Variants in TEKT4 observed in about 807,000 individuals in gnomAD.
TEKT4 encodes tektin-4.
A neutral mutation model predicts 46.0 loss-of-function variants in TEKT4; 46 were observed. That is an observed-to-expected ratio of 1.00 (90% CI 0.79 to 1.28). The LOEUF (loss-of-function observed/expected upper bound fraction) is 1.28, where lower values mean the gene tolerates loss of function less well. Ranked by LOEUF, TEKT4 falls within the 50% of genes most tolerant of loss-of-function variation. The pLI is 0.00. For missense variants in TEKT4, 790 were observed against 622.9 expected (o/e 1.27, Z -2.85); for synonymous variants, 325 against 265.8 (o/e 1.22, Z -2.17).
rs782364013 is a variant in TEKT4 at position 94,873,999 on chromosome 2, G to C, written c.604G>C (p.Asp202His). Reference sequence around the variant, plus strand: ...GGAGCACAAGGAGACCTGCGAGATGGACTGGTCAGACAAGATGGAGGCCTA... The same window carrying C: ...GGAGCACAAGGAGACCTGCGAGATGCACTGGTCAGACAAGATGGAGGCCTA... ...NREHKETCEM[D>H]WSDKMEAYNI... Residue 202 changes from aspartate to histidine, a missense_variant, in exon 3 of 6, where the codon GAC becomes CAC. Asp to His is a moderately conservative substitution (Grantham distance 81). Transcript: ENST00000295201. The C allele has an allele frequency of 7.4e-6, 12 of 1,613,778 alleles. No individual in the cohort carries two copies. The African/African-American group carries it at 1.2e-4, about 16-fold the overall frequency.
In TEKT4 at chr2:94,876,558, T is replaced by TGAGTGAGGTGGAGGAGCTGAAC. The variant is rs1194351435; in HGVS notation, c.1098_1119dup (p.Met374GlufsTer2). The TGAGTGAGGTGGAGGAGCTGAAC allele has an allele frequency of 1.9e-6, 3 of 1,606,106 alleles. No homozygotes were observed. The stretch of plus-strand genomic sequence containing the variant: ...CACCCCCCCAACACCCCCAGGCTGT[T>TGAGTGAGGTGGAGGAGCTGAAC]GAGTGAGGTGGAGGAGCTGAACATG... On this transcript the variant is annotated frameshift_variant, in exon 6 of 6. Coordinates refer to ENST00000295201, the MANE Select transcript of TEKT4 (RefSeq NM_144705.4). LOFTEE classifies it high-confidence loss of function.
At position 94,871,507 on chromosome 2, in the gene TEKT4, C is replaced by T. The variant is rs1482187420; in HGVS notation, c.-73C>T. 1.4e-4 allele frequency: 208 copies of T among 1,459,954 alleles called. No individual in the cohort carries two copies. The Middle Eastern group carries it at 2.2e-3, about 15-fold the overall frequency. 90.4% of individuals were successfully genotyped at this position (1,459,954 alleles called of 1,614,324 possible). On this transcript the variant is annotated 5_prime_UTR_variant, in exon 1 of 6. Coordinates refer to ENST00000295201, the MANE Select transcript of TEKT4 (RefSeq NM_144705.4). ...GAGCCGTTGGAGCTGCCCCGCTGAC[C>T]GCACTAGGCTGACCGCAACCGGCTG...
Position 94,873,524 on chromosome 2 carries a change from C to G in TEKT4, c.503C>G (p.Ala168Gly). 1 of 1,612,242 alleles carries G rather than the reference C, an allele frequency of 6.2e-7. No homozygotes were observed. The highest frequency in any genetic ancestry group is 1.1e-5 in the South Asian group (1 of 90,990). ...TCAGGGCGTCTCCTCCCTCAGGAAGCCGAGCTCATCCGGAACATTCAGGAG... is the reference window on the plus strand; with the variant it reads ...TCAGGGCGTCTCCTCCCTCAGGAAGGCGAGCTCATCCGGAACATTCAGGAG... ...DHVETELLKE[A>G]ELIRNIQELL... Residue 168 changes from alanine (A) to glycine (G), a missense_variant, in exon 2 of 6, where the codon GCC becomes GGC. Coordinates refer to ENST00000295201, the MANE Select transcript of TEKT4 (RefSeq NM_144705.4).
chr2:94,872,942 G>C (rs1341143017), intron 1 of TEKT4: 1 of 1,289,434 alleles, frequency 7.8e-7, no homozygotes, highest in Non-Finnish European at 1.0e-6. Context: ...CAAACCCAGG[G>C]ATAGAGGGGC....
chr2:94,876,278 T>C (rs1468066737), intron 5 of TEKT4, among the ~76,000 whole-genome samples: 1 of 152,142 alleles, frequency 6.6e-6, no homozygotes, highest in Non-Finnish European at 1.5e-5. Flanking sequence ...GTATCAGGAA[T>C]GGAAAGAACT....
rs181806220 is a variant in TEKT4, at chr2:94,876,803, A to C, written c.*34A>C. The C allele has an allele frequency of 3.2e-6, 5 of 1,578,938 alleles. No individual in the cohort carries two copies. Among genetic ancestry groups the C allele is most frequent in the East Asian group, 4.5e-5 (2 of 44,376 alleles). ...ACGGTGCTTCCCCCCAGTCCCCCAA[A>C]TAAACAGCGCGTTAGCTTTCTGCAC... On this transcript the variant is annotated 3_prime_UTR_variant, in exon 6 of 6. Transcript: ENST00000295201.
Position 94,876,792 on chromosome 2 carries a change from C to T in TEKT4, c.*23C>T, listed in dbSNP as rs535590997. 7 of 1,596,376 alleles carry T rather than the reference C, an allele frequency of 4.4e-6. No homozygotes were observed. The highest frequency in any genetic ancestry group is 1.7e-4 in the Middle Eastern group (1 of 6,052). On this transcript the variant is annotated 3_prime_UTR_variant, in exon 6 of 6. Transcript: ENST00000295201. ...TGAGCAGCGGCACGGTGCTTCCCCC[C>T]AGTCCCCCAAATAAACAGCGCGTTA...
Position 94,876,598 on chromosome 2 carries a change from G to A in TEKT4, c.1137G>A (p.Leu379=). The change falls in exon 6 of 6, where the codon CTG becomes CTA. Residue 379 remains leucine, a synonymous_variant. Transcript: ENST00000295201. ...AGCTGAACATGTCCCTCACAGCACT[G>A]CGAGAGAAGCTTCTAGAAGCGGAGC... ...VEELNMSLTA[L]REKLLEAEQS... The A allele has an allele frequency of 6.2e-7, 1 of 1,612,184 alleles. No homozygotes were observed. Among genetic ancestry groups the A allele is most frequent in the Non-Finnish European group, 8.5e-7 (1 of 1,179,640 alleles).
Position 94,871,932 on chromosome 2 carries a change from T to C in TEKT4, c.353T>C (p.Leu118Ser). Residue 118 changes from leucine to serine, a missense_variant, in exon 1 of 6, where the codon TTG (leucine) becomes TCG (serine). Transcript: ENST00000295201. ...GAGGCGCTGGCTGCGGAGACCAACT[T>C]GCTCCTGGCCCAGAAGCAACGGCTG... ...EMEALAAETN[L>S]LLAQKQRLER... The C allele has an allele frequency of 1.3e-6, 2 of 1,599,870 alleles. No individual in the cohort carries two copies. Among genetic ancestry groups the C allele is most frequent in the Non-Finnish European group, 1.7e-6 (2 of 1,177,388 alleles).
chr2:94,874,270 C>T (rs1335800710), intron 3 of TEKT4, among the ~76,000 whole-genome samples, 162 bp downstream of exon 3: 2 of 152,170 alleles, frequency 1.3e-5, no homozygotes, highest in South Asian at 2.1e-4. Context: ...CGACCAAGAC[C>T]TCCTCAAATG....
intron 4 of TEKT4, 103 bp from the exon 5 acceptor site, chr2:94,875,485 C>T: frequency 6.4e-7 from 1 of 1,559,486 alleles, no homozygotes; most frequent in South Asian, 1.2e-5. Flanking sequence ...CAGGACTGCC[C>T]TCTGGACACA....
chr2:94,873,820 C>T (rs1359590898), intron 2 of TEKT4, 145 bp from the exon 3 acceptor site: 25 of 1,252,914 alleles, frequency 2.0e-5, no homozygotes, highest in Non-Finnish European at 3.3e-6. Flanking sequence ...AGCTCCTGGT[C>T]ACTGCTGAGC....
intron 1 of TEKT4, chr2:94,873,266 A>C (rs1316503065): frequency 1.5e-6 from 2 of 1,349,306 alleles, no homozygotes; most frequent in African/African-American, 1.5e-5. Flanking sequence ...GGGCGTGGGA[A>C]CTGCCGCTGA....
intron 1 of TEKT4, chr2:94,873,118 G>A (rs78681824): frequency 3.2e-6 from 4 of 1,236,866 alleles, no homozygotes; most frequent in Non-Finnish European, 4.1e-6. Flanking sequence ...GCCTTTCCCA[G>A]CACAGAGCCC....
In TEKT4 at chr2:94,875,061, T is replaced by C; in HGVS notation, c.936+63T>C. 2.7e-6 allele frequency: 4 copies of C among 1,473,248 alleles called. No individual in the cohort carries two copies. The South Asian group carries it at 4.0e-5, about 15-fold the overall frequency. 91.3% of individuals were successfully genotyped at this position (1,473,248 alleles called of 1,614,324 possible). ...TCACCTGGCCTGGGCCCTCAACACC[T>C]TTCTCCTCTGTCCCATTTATCCCGA... On this transcript the variant is annotated intron_variant, in intron 4 of 5. Transcript: ENST00000295201.
At position 94,874,083 on chromosome 2, in the gene TEKT4, C is replaced by G; in HGVS notation, c.688C>G (p.Pro230Ala). The G allele has an allele frequency of 6.2e-7, 1 of 1,613,582 alleles. No homozygotes were observed. Among genetic ancestry groups the G allele is most frequent in the Non-Finnish European group, 8.5e-7 (1 of 1,179,898 alleles). Residue 230 changes from proline to alanine, a missense_variant, in exon 3 of 6, where the codon CCG (proline) becomes GCG (alanine). By Grantham distance (27) the Pro-to-Ala change is conservative. Transcript: ENST00000295201. ...CCAGAGCACCGAGGTGCAGGCTCAT[C>G]CGTACTCCACCACCTTCCAAGAGAG... ...HSQSTEVQAH[P>A]YSTTFQESAS...
intron 3 of TEKT4, among the ~76,000 whole-genome samples, chr2:94,874,421 G>A (rs1260100629): frequency 6.6e-6 from 1 of 152,058 alleles, no homozygotes; most frequent in Non-Finnish European, 1.5e-5. Flanking sequence ...GCAAACTCCT[G>A]GGAGCAAAAA....
At position 94,874,073 on chromosome 2, in the gene TEKT4, G is replaced by A; in HGVS notation, c.678G>A (p.Val226=). 6.2e-7 allele frequency: 1 copy of A among 1,613,626 alleles called. No homozygotes were observed. ...GCCACCACAGCCAGAGCACCGAGGTGCAGGCTCATCCGTACTCCACCACCT... is the reference window on the plus strand; with the variant it reads ...GCCACCACAGCCAGAGCACCGAGGTACAGGCTCATCCGTACTCCACCACCT... ...CGRHHSQSTE[V]QAHPYSTTFQ... is the part of the protein sequence containing the mutation. The change falls in exon 3 of 6, where the codon GTG becomes GTA. Residue 226 remains valine, a synonymous_variant. Coordinates refer to ENST00000295201, the MANE Select transcript of TEKT4 (RefSeq NM_144705.4).
rs202020542 is a variant in TEKT4 at position 94,876,540 on chromosome 2, C to T, written c.1092-13C>T. On this transcript the variant is annotated splice_polypyrimidine_tract_variant and intron_variant, in intron 5 of 5. Transcript: ENST00000295201. Reference sequence around the variant, plus strand: ...CTCCCTAGCCCCGGCTCACACCCCCCCAACACCCCCAGGCTGTTGAGTGAG... The same window carrying T: ...CTCCCTAGCCCCGGCTCACACCCCCTCAACACCCCCAGGCTGTTGAGTGAG... 6.9e-5 allele frequency: 110 copies of T among 1,594,894 alleles called. 2 individuals are homozygous for T. Among genetic ancestry groups the T allele is most frequent in the South Asian group, 2.1e-4 (19 of 88,576 alleles).
Sources: gnomAD v4.1 joint callset for allele counts (sites outside exome capture counted in the v4.1 genomes callset) on GRCh38, gnomAD v4.1.1 for gene constraint, MANE v1.5 for transcripts, NCBI Gene and HGNC (gene_info 2026-07-23, HGNC 2026-07-21) for gene names.